The following PTPRD variants were observed in gnomAD, a reference collection of about 807,000 sequenced individuals.
The protein encoded by PTPRD is protein tyrosine phosphatase receptor type D, also known as receptor-type tyrosine-protein phosphatase delta.
In PTPRD, 34 loss-of-function variants were observed where a neutral mutation model predicts 214.5. That is an observed-to-expected ratio of 0.16 (90% confidence interval 0.12 to 0.21). PTPRD has a LOEUF of 0.21. PTPRD is among the 10% of genes least tolerant of loss of function. The pLI, the probability that PTPRD is intolerant of heterozygous loss-of-function variation, is 1.00. For synonymous variants in PTPRD, 1,128 were observed against 845.7 expected (o/e 1.33, Z -5.79); for missense variants, 2,545 against 2,398.7 (o/e 1.06, Z -1.27).
chr9:10,557,192 G>T (rs149308892), intron 2 of PTPRD, among the ~76,000 whole-genome samples: 1,611 of 152,100 alleles, frequency 0.011, 30 homozygotes, highest in African/African-American at 0.036. Context: ...AACATGGGAT[G>T]GAAAGAATTT....
intron 35 of PTPRD, among the ~76,000 whole-genome samples, chr9:8,431,593 C>CT (rs2095059154): frequency 6.6e-6 from 1 of 152,248 alleles, no homozygotes; most frequent in East Asian, 1.9e-4. Flanking sequence ...AGTCTATATG[C>CT]TATCTCAGAA....
chr9:9,707,124 T>A (rs906682668), intron 7 of PTPRD, among the ~76,000 whole-genome samples: 2 of 152,298 alleles, frequency 1.3e-5, no homozygotes, highest in Admixed American at 1.3e-4. Context: ...CTGACTGACA[T>A]GTTTGAAATG....
chr9:10,166,047 A>C (rs2099157021), intron 3 of PTPRD, among the ~76,000 whole-genome samples: 1 of 149,900 alleles, frequency 6.7e-6, no homozygotes, highest in African/African-American at 2.4e-5. Flanking sequence ...CATTATATAT[A>C]CATGTATGCA....
intron 2 of PTPRD, among the ~76,000 whole-genome samples, chr9:10,532,649 A>G (rs1354561847): frequency 6.7e-6 from 1 of 148,252 alleles, no homozygotes; most frequent in Non-Finnish European, 1.5e-5. Flanking sequence ...TTTCTAATAT[A>G]TATATTAGAT....
chr9:10,099,989 G>A lies in PTPRD; in HGVS notation c.-544-66199C>T, dbSNP rs1467572665. ...TCATCCAGCATATATAAACATGTGT[G>A]ATTTTATAAATTCACCTTCTCCCAA... is the stretch of plus-strand genomic sequence containing the variant. On this transcript the variant is annotated intron_variant, in intron 3 of 45. Coordinates refer to ENST00000381196, the MANE Select transcript of PTPRD (RefSeq NM_002839.4). Among the ~76,000 whole-genome samples, 3 of 151,680 alleles carry A rather than the reference G, an allele frequency of 2.0e-5. No individual in the cohort carries two copies. The East Asian group carries it at 5.8e-4, about 29-fold the overall frequency.
intron 8 of PTPRD, among the ~76,000 whole-genome samples, chr9:9,549,142 GA>G (rs1025312560): frequency 6.6e-6 from 1 of 151,714 alleles, no homozygotes; most frequent in African/African-American, 2.4e-5. Context: ...ACTTATAAAA[GA>G]AAAAAAGCTT....
intron 7 of PTPRD, among the ~76,000 whole-genome samples, chr9:9,641,880 G>A (rs2095970675): frequency 6.6e-6 from 1 of 152,012 alleles, no homozygotes; most frequent in Non-Finnish European, 1.5e-5. Context: ...TAAGTTTACT[G>A]AGACTCCAGA....
At chr9:8,579,773 A>C (rs1222225418) in intron 14 of PTPRD, among the ~76,000 whole-genome samples, 1 of 152,230 alleles carries the variant, frequency 6.6e-6, no homozygotes, top group Non-Finnish European at 1.5e-5. Context: ...CAGGAAATTA[A>C]GCTGAAGGAG....
intron 8 of PTPRD, chr9:9,442,146 T>C (rs933405992): frequency 3.3e-5 from 5 of 152,216 alleles, no homozygotes; most frequent in Admixed American, 2.0e-4. Flanking sequence ...TTCTGGGCTG[T>C]AGTGCGCTAT....
At chr9:10,189,995 A>T (rs918250839) in intron 3 of PTPRD, among the ~76,000 whole-genome samples, 1 of 152,082 alleles carries the variant, frequency 6.6e-6, no homozygotes, top group Non-Finnish European at 1.5e-5. Context: ...AAAAGAGGAC[A>T]CCAGAATCCA....
intron 3 of PTPRD, among the ~76,000 whole-genome samples, chr9:10,312,069 G>A (rs771302177): frequency 6.6e-6 from 1 of 151,720 alleles, no homozygotes; most frequent in African/African-American, 2.4e-5. Context: ...TGAGAGTTGT[G>A]GCTACTTAAA....
intron 5 of PTPRD, among the ~76,000 whole-genome samples, chr9:9,908,270 G>A (rs558824830): frequency 5.3e-5 from 8 of 152,056 alleles, no homozygotes; most frequent in African/African-American, 1.9e-4. Flanking sequence ...AGTGATTGCT[G>A]TATCATCTGA....
At chr9:9,494,549 T>C (rs2096081290) in intron 8 of PTPRD, among the ~76,000 whole-genome samples, 1 of 152,210 alleles carries the variant, frequency 6.6e-6, no homozygotes, top group Admixed American at 6.5e-5. Flanking sequence ...CACATAAAAT[T>C]CAGTTGTACT....
intron 11 of PTPRD, among the ~76,000 whole-genome samples, chr9:8,766,242 T>G (rs1283110576): frequency 6.6e-6 from 1 of 151,868 alleles, no homozygotes; most frequent in Non-Finnish European, 1.5e-5. Flanking sequence ...GTGGAGTGTG[T>G]GCATACTCCC....
chr9:10,512,958 G>T (rs1025347906), intron 2 of PTPRD, among the ~76,000 whole-genome samples: 12 of 151,932 alleles, frequency 7.9e-5, no homozygotes, highest in Admixed American at 6.6e-5. Flanking sequence ...TGAGATCTAG[G>T]ATAGATATTA....
chr9:9,193,449 G>A lies in PTPRD; in HGVS notation c.-202-10086C>T, dbSNP rs569981491. On this transcript the variant is annotated intron_variant, in intron 9 of 45. Transcript: ENST00000381196. Reference sequence around the variant, plus strand: ...ACTTGATGATAGGAATACATTCTGAGAAATGTGTTGTCAAGCGATTTTTCA... The same window carrying A: ...ACTTGATGATAGGAATACATTCTGAAAAATGTGTTGTCAAGCGATTTTTCA... Among the ~76,000 whole-genome samples, 7 of 152,188 alleles carry A rather than the reference G, an allele frequency of 4.6e-5. No individual in the cohort carries two copies. The East Asian group carries it at 1.4e-3, about 30-fold the overall frequency.
At chr9:9,657,519 G>T (rs915108909) in intron 7 of PTPRD, among the ~76,000 whole-genome samples, 1 of 152,102 alleles carries the variant, frequency 6.6e-6, no homozygotes, top group African/African-American at 2.4e-5. Context: ...GTTGATGAGT[G>T]CAGCAAACCA....
At chr9:9,626,137 A>G (rs1432264586) in intron 7 of PTPRD, among the ~76,000 whole-genome samples, 1 of 152,236 alleles carries the variant, frequency 6.6e-6, no homozygotes, top group Non-Finnish European at 1.5e-5. Context: ...TAAAAAGTTC[A>G]AAATGAGAAA....
intron 2 of PTPRD, among the ~76,000 whole-genome samples, chr9:10,504,710 A>AAT (rs2045304331): frequency 6.6e-6 from 1 of 152,162 alleles, no homozygotes; most frequent in Non-Finnish European, 1.5e-5. Context: ...GAAAAAATAA[A>AAT]ATTACTTCTC....
Sources: allele counts gnomAD v4.1 joint callset (sites outside exome capture counted in the v4.1 genomes callset), GRCh38; gene constraint gnomAD v4.1.1; transcripts MANE v1.5; gene names NCBI Gene and HGNC (gene_info 2026-07-23, HGNC 2026-07-21).